GARNL3: variants seen among roughly 807,000 people sequenced by gnomAD.
The protein encoded by GARNL3 is GTPase activating Rap/RanGAP domain like 3.
A neutral mutation model predicts 125.0 loss-of-function variants in GARNL3; 63 were observed. The observed-to-expected ratio is 0.50, with a 90% CI of 0.41 to 0.62. The LOEUF is 0.62. Ranked by LOEUF, GARNL3 falls within the 20% of genes least tolerant of loss-of-function variation. The pLI, the probability that GARNL3 is intolerant of heterozygous loss-of-function variation, is 0.00. For missense variants in GARNL3, 994 were observed against 1,244.0 expected (o/e 0.80, Z 3.02); for synonymous variants, 439 against 457.5 (o/e 0.96, Z 0.52).
At chr9:127,352,763 C>G (rs1830481454) in intron 17 of GARNL3, among the ~76,000 whole-genome samples, 1 of 152,146 alleles carries the variant, frequency 6.6e-6, no homozygotes, top group Non-Finnish European at 1.5e-5. Flanking sequence ...AAGCTCTGCT[C>G]CCTCCTGGAC....
intron 21 of GARNL3, among the ~76,000 whole-genome samples, chr9:127,358,829 C>G (rs1262408348): frequency 6.6e-6 from 1 of 152,052 alleles, no homozygotes; most frequent in Non-Finnish European, 1.5e-5. Flanking sequence ...TTTAAATGGT[C>G]CCCAGATAAT....
chr9:127,345,299 C>T lies in GARNL3; in HGVS notation c.1357-104C>T, dbSNP rs571507836. On this transcript the variant is annotated intron_variant, in intron 15 of 27. Coordinates refer to ENST00000373387, the MANE Select transcript of GARNL3 (RefSeq NM_032293.5). Reference sequence around the variant, plus strand: ...CAGTAGAGGAACCCGAAATGTTAGCCTGCAATTACTCCTGTTTTATTAAAT... The same window carrying T: ...CAGTAGAGGAACCCGAAATGTTAGCTTGCAATTACTCCTGTTTTATTAAAT... 4.9e-6 allele frequency: 3 copies of T among 609,870 alleles called. No individual in the cohort carries two copies. In the East Asian group the frequency reaches 9.2e-5, roughly 19 times the overall value. The allele number at this position is 609,870 out of a possible 1,614,324, so 37.8% of individuals were successfully genotyped here.
At chr9:127,253,902 C>G (rs2131218216) in intron 2 of GARNL3, among the ~76,000 whole-genome samples, 1 of 152,162 alleles carries the variant, frequency 6.6e-6, no homozygotes, top group African/African-American at 2.4e-5. Context: ...GGCTATTTTT[C>G]AAGTATCTGG....
chr9:127,349,095 T>C, intron 17 of GARNL3, 60 bp downstream of exon 17: 1 of 1,177,222 alleles, frequency 8.5e-7, no homozygotes, highest in Non-Finnish European at 1.3e-6. Context: ...ACTTCTAAGA[T>C]GAGTGACCAC....
intron 2 of GARNL3, among the ~76,000 whole-genome samples, chr9:127,305,930 CT>C (rs1451104034): frequency 1.2e-4 from 18 of 152,060 alleles, no homozygotes; most frequent in Admixed American, 1.0e-3. Context: ...AAGAAAACTC[CT>C]CATATTGACA....
chr9:127,365,562 G>A (rs970186288), intron 22 of GARNL3, among the ~76,000 whole-genome samples, 196 bp downstream of exon 22: 2 of 152,178 alleles, frequency 1.3e-5, no homozygotes, highest in Non-Finnish European at 2.9e-5. Flanking sequence ...GTGACACAGT[G>A]CAAGAACTGG....
intron 6 of GARNL3, among the ~76,000 whole-genome samples, chr9:127,322,993 G>A (rs568531187): frequency 6.1e-4 from 92 of 152,036 alleles, no homozygotes; most frequent in Non-Finnish European, 1.1e-3. Context: ...AAATGACCAG[G>A]TATTTTATAA....
chr9:127,246,936 T>TTTC (rs2063315484), intron 2 of GARNL3, among the ~76,000 whole-genome samples: 1 of 148,196 alleles, frequency 6.7e-6, no homozygotes, highest in Admixed American at 6.7e-5. Context: ...TCCTTCTTTT[T>TTTC]TTTTTTTTTT....
In GARNL3 at chr9:127,248,366, GC is replaced by G. The variant is rs527785026; in HGVS notation, c.143+5120del. Reference sequence around the variant, plus strand: ...AAGTCTTCTAGAGGTAGGCGTGGGGGCCCATCTGTTTCCATTCCCCTGTTGA... The same window carrying G: ...AAGTCTTCTAGAGGTAGGCGTGGGGGCCATCTGTTTCCATTCCCCTGTTGA... On this transcript the variant is annotated intron_variant, in intron 2 of 10. Coordinates refer to the GARNL3 transcript ENST00000439286. 3.2e-3 allele frequency among the ~76,000 whole-genome samples: 484 copies of G among 152,264 alleles called. 1 individual carries two copies. The highest frequency in any genetic ancestry group is 0.011 in the African/African-American group (459 of 41,554).
chr9:127,323,268 A>G (rs2065458033), intron 6 of GARNL3, among the ~76,000 whole-genome samples: 2 of 152,242 alleles, frequency 1.3e-5, no homozygotes, highest in South Asian at 4.1e-4. Flanking sequence ...TTCAGGAACA[A>G]GAATATTTTA....
rs543045801 is a variant in GARNL3, at chr9:127,380,902, G to T, written c.2162-2536G>T. The stretch of plus-strand genomic sequence containing the variant: ...TGTACATTTTATTTTATTTTTTTGA[G>T]ACAGTCTAGCTTTGTCACCAGGCTG... On this transcript the variant is annotated intron_variant, in intron 22 of 27. Coordinates refer to ENST00000373387, the MANE Select transcript of GARNL3 (RefSeq NM_032293.5). Among the ~76,000 whole-genome samples, 3 of 152,192 alleles carry T rather than the reference G, an allele frequency of 2.0e-5. No individual in the cohort carries two copies. The East Asian group carries it at 5.8e-4, about 29-fold the overall frequency.
chr9:127,377,792 C>CA (rs56965235), intron 22 of GARNL3, among the ~76,000 whole-genome samples: 1,834 of 67,130 alleles, frequency 0.027, 38 homozygotes, highest in African/African-American at 0.041. Context: ...GACTCCGTCT[C>CA]AAAAAAAAAA....
At chr9:127,297,053 G>A (rs2064621381) in intron 2 of GARNL3, among the ~76,000 whole-genome samples, 1 of 152,134 alleles carries the variant, frequency 6.6e-6, no homozygotes, top group Non-Finnish European at 1.5e-5. Flanking sequence ...CACCCCTAAA[G>A]CAGTTAATTC....
rs1335485463 is a variant in GARNL3 at position 127,348,919 on chromosome 9, C to T, written c.1432-5C>T. ...TTATCTTCCGATGCTTGTATTGCCTCACAGCCGTGGGAGCCCCAGTGTTTC... is the reference window on the plus strand; with the variant it reads ...TTATCTTCCGATGCTTGTATTGCCTTACAGCCGTGGGAGCCCCAGTGTTTC... On this transcript the variant is annotated splice_polypyrimidine_tract_variant and splice_region_variant and intron_variant, in intron 16 of 27. Transcript: ENST00000373387. 2 of 1,603,752 alleles carry T rather than the reference C, an allele frequency of 1.2e-6. No homozygotes were observed. Among genetic ancestry groups the T allele is most frequent in the Admixed American group, 3.4e-5 (2 of 58,880 alleles).
rs564619481 is a variant in GARNL3, at chr9:127,327,132, G to A, written c.594+2037G>A. On this transcript the variant is annotated intron_variant, in intron 7 of 27. Transcript: ENST00000373387. ...TGTTTTTATAAACAAATATTTTTAT[G>A]TATATTCATTCATTCATTGATTCAA... 2.0e-5 allele frequency among the ~76,000 whole-genome samples: 3 copies of A among 152,262 alleles called. No homozygotes were observed. The South Asian group carries it at 6.2e-4, about 32-fold the overall frequency.
intron 22 of GARNL3, among the ~76,000 whole-genome samples, chr9:127,374,961 G>C (rs753215498): frequency 1.1e-4 from 17 of 150,746 alleles, no homozygotes; most frequent in Non-Finnish European, 2.4e-4. Flanking sequence ...ACTATAATGA[G>C]ATACCACCAC....
In GARNL3 at chr9:127,355,355, A is replaced by G. The variant is rs1830632356; in HGVS notation, c.1818A>G (p.Ala606=). The change falls in exon 20 of 28, where the codon GCA becomes GCG. Residue 606 remains alanine, a synonymous_variant. Coordinates refer to ENST00000373387, the MANE Select transcript of GARNL3 (RefSeq NM_032293.5). ...HHSRELRIVV[A]IRNKLLLITR... ...GCAGAGAGCTGAGGATTGTGGTTGC[A>G]ATTCGGAATAAACTGCTTCTGATCA... 3 of 1,614,120 alleles carry G rather than the reference A, an allele frequency of 1.9e-6. No homozygotes were observed. Among genetic ancestry groups the G allele is most frequent in the Non-Finnish European group, 1.7e-6 (2 of 1,180,038 alleles).
intron 2 of GARNL3, among the ~76,000 whole-genome samples, chr9:127,254,105 G>A (rs2063453407): frequency 6.6e-6 from 1 of 152,146 alleles, no homozygotes; most frequent in Admixed American, 6.5e-5. Flanking sequence ...GTCTCTCAGG[G>A]TAACTGTAAC....
chr9:127,283,462 A>G (rs2064155624), intron 1 of GARNL3, among the ~76,000 whole-genome samples: 1 of 152,134 alleles, frequency 6.6e-6, no homozygotes. Context: ...CTTGAGACTA[A>G]GAGTTCGAGA....
Sources: allele counts gnomAD v4.1 joint callset (sites outside exome capture counted in the v4.1 genomes callset), GRCh38; gene constraint gnomAD v4.1.1; transcripts MANE v1.5; gene names NCBI Gene and HGNC (gene_info 2026-07-23, HGNC 2026-07-21).